Variants in SLIT2 observed in about 807,000 individuals in gnomAD.
SLIT2 encodes the protein slit homolog 2 protein.
SLIT2 carries 41 observed loss-of-function variants against 185.7 expected under a neutral mutation model. That is an observed-to-expected ratio of 0.22 (90% CI 0.17 to 0.29). The LOEUF is 0.29. Ranked by LOEUF, SLIT2 falls within the 10% of genes least tolerant of loss-of-function variation. The pLI is 1.00. For synonymous variants in SLIT2, 693 were observed against 680.2 expected, an observed-to-expected ratio of 1.02 and a Z score of -0.29; for missense variants, 1,571 against 1,909.0, an observed-to-expected ratio of 0.82 and a Z score of 3.30.
At chr4:20,406,437 A>G (rs992737123) in intron 4 of SLIT2, among the ~76,000 whole-genome samples, 19 of 143,544 alleles carry the variant, frequency 1.3e-4, no homozygotes, top group African/African-American at 4.4e-4. Flanking sequence ...AAAACCTCTT[A>G]CAAATCAATA....
chr4:20,593,008 A>G (rs1727636233), intron 30 of SLIT2, among the ~76,000 whole-genome samples: 1 of 152,188 alleles, frequency 6.6e-6, no homozygotes. Context: ...ATCCTGATTT[A>G]GCATTTTCAG....
At chr4:20,380,696 A>G (rs570384969) in intron 4 of SLIT2, among the ~76,000 whole-genome samples, 11 of 152,232 alleles carry the variant, frequency 7.2e-5, no homozygotes, top group African/African-American at 2.4e-4. Context: ...TGACTTGAAG[A>G]CATTACACTA....
intron 4 of SLIT2, among the ~76,000 whole-genome samples, chr4:20,411,133 C>T (rs547139134): frequency 3.3e-5 from 5 of 152,224 alleles, no homozygotes; most frequent in African/African-American, 1.2e-4. Flanking sequence ...CCTTCACTTC[C>T]CTTGTTAACT....
chr4:20,497,286 A>T (rs1209173407), intron 9 of SLIT2, among the ~76,000 whole-genome samples: 1 of 151,980 alleles, frequency 6.6e-6, no homozygotes, highest in Non-Finnish European at 1.5e-5. Context: ...GGCTCAAAAA[A>T]CTTAGAAATT....
In SLIT2 at chr4:20,528,179, A is replaced by G. The variant is rs999892680; in HGVS notation, c.1463-770A>G. On this transcript the variant is annotated intron_variant, in intron 15 of 36. Coordinates refer to ENST00000504154, the MANE Select transcript of SLIT2 (RefSeq NM_004787.4). This position sits in a 1 kb window ranked among gnomAD's most constrained non-coding sequence, Gnocchi z 4.2. ...ACATTCTGCGGGAAGAATGCATGTC[A>G]TGTAAACAGTATTACGTTTCCAGAA... is the stretch of plus-strand genomic sequence containing the variant. 5.5e-5 allele frequency: 28 copies of G among 506,102 alleles called. No homozygotes were observed. The highest frequency in any genetic ancestry group is 4.1e-4 in the African/African-American group (21 of 51,356). The allele number at this position is 506,102 out of a possible 1,614,324, so 31.4% of individuals were successfully genotyped here.
intron 4 of SLIT2, among the ~76,000 whole-genome samples, chr4:20,400,344 A>G (rs1182484699): frequency 2.0e-5 from 3 of 151,738 alleles, no homozygotes; most frequent in Admixed American, 6.6e-5. Flanking sequence ...AAGGATGGCC[A>G]TAGAAATGAA....
chr4:20,543,517 C>G (rs1423239802), intron 21 of SLIT2, among the ~76,000 whole-genome samples: 1 of 152,136 alleles, frequency 6.6e-6, no homozygotes, highest in Non-Finnish European at 1.5e-5. Flanking sequence ...AACTATGGAT[C>G]AATAATGATT....
At chr4:20,471,291 A>T (rs1714981132) in intron 5 of SLIT2, among the ~76,000 whole-genome samples, 1 of 152,208 alleles carries the variant, frequency 6.6e-6, no homozygotes, top group African/African-American at 2.4e-5. Context: ...ATGAAAACTT[A>T]CGAAGGCTAT....
intron 4 of SLIT2, among the ~76,000 whole-genome samples, chr4:20,322,199 T>C (rs899753391): frequency 1.3e-5 from 2 of 152,164 alleles, no homozygotes; most frequent in African/African-American, 4.8e-5. Flanking sequence ...ATTTAAGAAG[T>C]GTATTTTGCC....
intron 4 of SLIT2, among the ~76,000 whole-genome samples, chr4:20,384,208 T>G (rs918594666): frequency 2.0e-5 from 3 of 152,032 alleles, no homozygotes; most frequent in Non-Finnish European, 4.4e-5. Flanking sequence ...TGCTCAGCAA[T>G]TAATAAAAAA....
chr4:20,601,007 G>A (rs917766298), intron 33 of SLIT2, among the ~76,000 whole-genome samples: 11 of 151,886 alleles, frequency 7.2e-5, no homozygotes, highest in Non-Finnish European at 1.2e-4. Context: ...AGGAAGACAG[G>A]AAGGAAATGT....
At chr4:20,542,735 C>G in intron 21 of SLIT2, 109 bp downstream of exon 21, 1 of 1,168,860 alleles carries the variant, frequency 8.6e-7, no homozygotes. Context: ...AAATCATATT[C>G]TAAGGCCAGT....
intron 4 of SLIT2, among the ~76,000 whole-genome samples, chr4:20,415,360 C>T (rs1490377603): frequency 7.7e-6 from 1 of 129,240 alleles, no homozygotes; most frequent in African/African-American, 3.0e-5. Flanking sequence ...GCAGTAAGCC[C>T]AGATCGCACC....
At chr4:20,393,707 C>A (rs1228600087) in intron 4 of SLIT2, 1 of 152,046 alleles carries the variant, frequency 6.6e-6, no homozygotes, top group Non-Finnish European at 1.5e-5. Flanking sequence ...GGCATGCTTT[C>A]ATTTTGTCCC....
In SLIT2 at chr4:20,618,855, G is replaced by A. The variant is rs147726667; in HGVS notation, c.4436G>A (p.Arg1479Gln). Residue 1479 changes from arginine (R) to glutamine (Q), a missense_variant, in exon 37 of 37, where the codon CGA (arginine) becomes CAA (glutamine). Transcript: ENST00000504154. ...AACQTTKKVSRLECRGGCAGG... is the reference protein window; with the variant it reads ...AACQTTKKVSQLECRGGCAGG... ...TGCCAAACAACCAAGAAGGTGTCCC[G>A]ATTAGAGTGCAGAGGTGGGTGTGCA... 9.5e-5 allele frequency: 153 copies of A among 1,614,128 alleles called. No individual in the cohort carries two copies. Among genetic ancestry groups the A allele is most frequent in the African/African-American group, 6.0e-4 (45 of 75,050 alleles).
intron 4 of SLIT2, among the ~76,000 whole-genome samples, chr4:20,336,368 CATGTCCTTTGTAGGGACATGG>C (rs1431012467): frequency 7.9e-5 from 12 of 152,160 alleles, no homozygotes; most frequent in African/African-American, 2.9e-4. Flanking sequence ...AGGATGAGTT[CATGTCCTTTGTAGGGACATGG>C]ATGAAGCTGG....
intron 12 of SLIT2, among the ~76,000 whole-genome samples, chr4:20,521,288 C>G (rs1252144483): frequency 1.3e-5 from 2 of 152,140 alleles, no homozygotes; most frequent in African/African-American, 4.8e-5. Flanking sequence ...CTTAAGCCTG[C>G]CAGAGGGAAA....
chr4:20,396,847 T>G lies in SLIT2; in HGVS notation c.396-70905T>G, dbSNP rs192331710. On this transcript the variant is annotated intron_variant, in intron 4 of 36. Coordinates refer to ENST00000504154, the MANE Select transcript of SLIT2 (RefSeq NM_004787.4). ...ATATTTAAATATTTAAATATATACATCTAAAGATATACATATTAAATATAC... is the reference window on the plus strand; with the variant it reads ...ATATTTAAATATTTAAATATATACAGCTAAAGATATACATATTAAATATAC... 1.6e-3 allele frequency among the ~76,000 whole-genome samples: 236 copies of G among 148,198 alleles called. 1 individual carries two copies. The highest frequency in any genetic ancestry group is 5.2e-3 in the African/African-American group (214 of 40,904).
intron 4 of SLIT2, among the ~76,000 whole-genome samples, chr4:20,380,657 T>C (rs1724431639): frequency 6.6e-6 from 1 of 151,926 alleles, no homozygotes; most frequent in Admixed American, 6.6e-5. Flanking sequence ...TGAGCAGTAA[T>C]AGATAAACAC....
Sources: gnomAD v4.1 joint callset for allele counts (sites outside exome capture counted in the v4.1 genomes callset) on GRCh38, gnomAD v4.1.1 for gene constraint, Gnocchi (gnomAD v3.1) non-coding constraint, MANE v1.5 for transcripts, NCBI Gene and HGNC (gene_info 2026-07-23, HGNC 2026-07-21) for gene names.